The following ANO3 variants were observed in gnomAD, a reference collection of about 807,000 sequenced individuals.
The protein encoded by ANO3 is anoctamin 3, also known as anoctamin-3.
ANO3 carries 99 observed loss-of-function variants against 144.8 expected under a neutral mutation model. That is an observed-to-expected ratio of 0.68 (90% confidence interval 0.58 to 0.81). ANO3 has a LOEUF of 0.81. ANO3 is among the 30% of genes least tolerant of loss of function. The probability of loss-of-function intolerance (pLI) is 0.00; values close to 1 mark genes in which losing one functional copy is unlikely to be tolerated. For synonymous variants in ANO3, 414 were observed against 392.6 expected, an observed-to-expected ratio of 1.05 and a Z score of -0.64; for missense variants, 905 against 1,202.2, an observed-to-expected ratio of 0.75 and a Z score of 3.66.
At chr11:26,198,698 T>C (rs1851635401) in intron 1 of ANO3, among the ~76,000 whole-genome samples, 1 of 152,160 alleles carries the variant, frequency 6.6e-6, no homozygotes, top group African/African-American at 2.4e-5. Flanking sequence ...AATGTTCTCT[T>C]GGAAAGTTAT....
intron 14 of ANO3, among the ~76,000 whole-genome samples, chr11:26,584,513 G>T (rs1336132348): frequency 1.3e-5 from 2 of 152,068 alleles, no homozygotes; most frequent in Non-Finnish European, 2.9e-5. Flanking sequence ...ACAAGACCAG[G>T]AGTTACATTA....
chr11:26,489,253 T>C (rs1477155218), intron 4 of ANO3, among the ~76,000 whole-genome samples: 1 of 152,058 alleles, frequency 6.6e-6, no homozygotes, highest in East Asian at 1.9e-4. Flanking sequence ...CTTCAGACAG[T>C]GGAAGCCTCA....
At chr11:26,503,940 G>A (rs986090354) in intron 4 of ANO3, among the ~76,000 whole-genome samples, 2 of 151,940 alleles carry the variant, frequency 1.3e-5, no homozygotes, top group African/African-American at 4.8e-5. Context: ...TGATTTCTAG[G>A]TCTTCTCATT....
intron 6 of ANO3, among the ~76,000 whole-genome samples, chr11:26,525,007 T>C (rs1046007699): frequency 6.6e-6 from 1 of 152,156 alleles, no homozygotes; most frequent in Non-Finnish European, 1.5e-5. Flanking sequence ...AGGTGACATA[T>C]CCTCTGGGGC....
At chr11:26,202,183 T>C (rs1590190733) in intron 1 of ANO3, among the ~76,000 whole-genome samples, 1 of 147,920 alleles carries the variant, frequency 6.8e-6, no homozygotes, top group East Asian at 1.9e-4. Flanking sequence ...TGACCTCACA[T>C]AATCTTTTAA....
intron 17 of ANO3, among the ~76,000 whole-genome samples, chr11:26,605,930 A>C (rs1851923290): frequency 6.7e-6 from 1 of 149,360 alleles, no homozygotes; most frequent in Non-Finnish European, 1.5e-5. Context: ...TCATGTCTCT[A>C]CCTCCTTCTG....
intron 5 of ANO3, among the ~76,000 whole-genome samples, chr11:26,510,150 A>AAG (rs1554963585): frequency 0.018 from 2,397 of 131,180 alleles, 120 homozygotes; most frequent in Non-Finnish European, 0.022. Context: ...AAAAAAAAAA[A>AAG]AAAGAGTAGA....
At chr11:26,400,703 T>C (rs1857125229) in intron 1 of ANO3, among the ~76,000 whole-genome samples, 1 of 151,666 alleles carries the variant, frequency 6.6e-6, no homozygotes, top group Admixed American at 6.6e-5. Flanking sequence ...CATTACAACA[T>C]ATGCATACAT....
At chr11:26,597,088 T>C (rs1489784950) in intron 14 of ANO3, among the ~76,000 whole-genome samples, 1 of 151,954 alleles carries the variant, frequency 6.6e-6, no homozygotes, top group African/African-American at 2.4e-5. Context: ...TAGGACAGAA[T>C]AGCAAGTGAA....
At chr11:26,524,285 A>C (rs1337218189) in intron 6 of ANO3, among the ~76,000 whole-genome samples, 3 of 152,232 alleles carry the variant, frequency 2.0e-5, no homozygotes, top group Non-Finnish European at 2.9e-5. Flanking sequence ...TTTCGGATAG[A>C]TATAACAAGT....
intron 1 of ANO3, among the ~76,000 whole-genome samples, chr11:26,204,435 T>C (rs368267449): frequency 1.3e-3 from 195 of 152,214 alleles, no homozygotes; most frequent in African/African-American, 4.4e-3. Flanking sequence ...ACTCTGTCCT[T>C]CCAAACTTTC....
At chr11:26,647,619 T>C in intron 23 of ANO3, 90 bp from the exon 24 acceptor site, 1 of 1,270,102 alleles carries the variant, frequency 7.9e-7, no homozygotes, top group Non-Finnish European at 1.1e-6. Context: ...GGTTCCAACA[T>C]AAGTAAAACA....
At position 26,661,401 on chromosome 11, in the gene ANO3, T is replaced by C. The variant is rs1036708571; in HGVS notation, c.*957T>C. On this transcript the variant is annotated 3_prime_UTR_variant, in exon 27 of 27. Transcript: ENST00000256737. ...GCACCTTGACAGTACGTAGTATACA[T>C]TGTGGTTTATGCAGCTCTGACACCA... 1.7e-4 allele frequency: 26 copies of C among 152,572 alleles called. No homozygotes were observed. The highest frequency in any genetic ancestry group is 6.0e-4 in the African/African-American group (25 of 41,438). 9.5% of individuals were successfully genotyped at this position (152,572 alleles called of 1,614,324 possible).
At chr11:26,645,985 C>T (rs550130736) in intron 23 of ANO3, among the ~76,000 whole-genome samples, 2 of 152,222 alleles carry the variant, frequency 1.3e-5, no homozygotes, top group Non-Finnish European at 2.9e-5. Flanking sequence ...TTCTAAACTA[C>T]TGGATTTTAC....
At chr11:26,372,546 T>A (rs1205515786) in intron 1 of ANO3, among the ~76,000 whole-genome samples, 1 of 152,248 alleles carries the variant, frequency 6.6e-6, no homozygotes, top group East Asian at 1.9e-4. Context: ...TATTAATTCA[T>A]GCCTGAATAA....
At chr11:26,503,998 G>A (rs1456286894) in intron 4 of ANO3, among the ~76,000 whole-genome samples, 2 of 152,118 alleles carry the variant, frequency 1.3e-5, no homozygotes, top group East Asian at 3.8e-4. Context: ...CCAATGCTAT[G>A]AGACTCAGTT....
At chr11:26,369,001 CAT>C (rs1489030809) in intron 1 of ANO3, among the ~76,000 whole-genome samples, 1 of 151,980 alleles carries the variant, frequency 6.6e-6, no homozygotes, top group Non-Finnish European at 1.5e-5. Context: ...ACAGTCATGT[CAT>C]AGGCAATTTC....
intron 4 of ANO3, among the ~76,000 whole-genome samples, chr11:26,483,155 A>G (rs1860294904): frequency 6.6e-6 from 1 of 151,992 alleles, no homozygotes; most frequent in Non-Finnish European, 1.5e-5. Flanking sequence ...ACTGTTTTCC[A>G]TACAGGTAGT....
chr11:26,405,857 T>C (rs1250739596), intron 1 of ANO3, among the ~76,000 whole-genome samples: 1 of 151,890 alleles, frequency 6.6e-6, no homozygotes, highest in African/African-American at 2.4e-5. Context: ...TTGTAATACA[T>C]ACTACAGGTG....
Sources: allele counts gnomAD v4.1 joint callset (sites outside exome capture counted in the v4.1 genomes callset), GRCh38; gene constraint gnomAD v4.1.1; transcripts MANE v1.5; gene names NCBI Gene and HGNC (gene_info 2026-07-23, HGNC 2026-07-21).